FLT1: variants seen among roughly 807,000 people sequenced by gnomAD.
FLT1 encodes vascular endothelial growth factor receptor 1.
Under a neutral mutation model 156.3 loss-of-function variants are expected in FLT1, and 49 were observed. The ratio of observed to expected loss-of-function variants is 0.31; its 90% CI spans 0.25 to 0.40. FLT1 has a LOEUF of 0.40. Among genes scored for constraint, FLT1 ranks in the 10% least tolerant of loss-of-function variants. The pLI is 1.00. For missense variants in FLT1, 1,322 were observed against 1,637.2 expected (o/e 0.81, Z 3.32); for synonymous variants, 594 against 583.8 (o/e 1.02, Z -0.25).
chr13:28,315,166 TG>T (rs1277611887), intron 25 of FLT1, among the ~76,000 whole-genome samples: 3 of 152,218 alleles, frequency 2.0e-5, no homozygotes, highest in Non-Finnish European at 4.4e-5. Context: ...TTTATAGGAC[TG>T]TTATGAGCAT....
rs541534265 is a variant in FLT1 at position 28,307,181 on chromosome 13, C to T, written c.3721-409G>A. 1.4e-3 allele frequency among the ~76,000 whole-genome samples: 216 copies of T among 152,260 alleles called. 1 individual carries two copies. The highest frequency in any genetic ancestry group is 2.3e-3 in the Non-Finnish European group (154 of 68,020). ...AAATTCTAAGAAATCGTAAAGACAT[C>T]ATTCGATTTTTTTTCTTGAACTCAA... On this transcript the variant is annotated intron_variant, in intron 28 of 29. Coordinates refer to ENST00000282397, the MANE Select transcript of FLT1 (RefSeq NM_002019.4).
rs768063529 is a variant in FLT1, at chr13:28,386,844, T to G, written c.1970-1813A>C. The G allele has an allele frequency of 1.2e-5, 13 of 1,050,624 alleles. No homozygotes were observed. In the Middle Eastern group the frequency reaches 1.7e-3, roughly 141 times the overall value. 65.1% of individuals were successfully genotyped at this position (1,050,624 alleles called of 1,614,324 possible). ...CAAGCCAATTTTGAAATATCTCATTTAAAACTCAGACCCAATTCACTGAGT... is the reference window on the plus strand; with the variant it reads ...CAAGCCAATTTTGAAATATCTCATTGAAAACTCAGACCCAATTCACTGAGT... On this transcript the variant is annotated intron_variant, in intron 13 of 29. Coordinates refer to ENST00000282397, the MANE Select transcript of FLT1 (RefSeq NM_002019.4).
intron 15 of FLT1, among the ~76,000 whole-genome samples, chr13:28,347,480 C>T (rs904015492): frequency 6.6e-6 from 1 of 152,098 alleles, no homozygotes; most frequent in South Asian, 2.1e-4. Context: ...GAGATCGCAC[C>T]ACTGCACTCC....
In FLT1 at chr13:28,439,724, C is replaced by G. The variant is rs765783979; in HGVS notation, c.389-1379G>C. 1.3e-5 allele frequency among the ~76,000 whole-genome samples: 2 copies of G among 152,152 alleles called. No individual in the cohort carries two copies. Among genetic ancestry groups the G allele is most frequent in the African/African-American group, 2.4e-5 (1 of 41,422 alleles). ...CACTATGTGCAGATGGAGGCAGAGACAGGTGTGATGCAGCGGCAAGCCAAA... is the reference window on the plus strand; with the variant it reads ...CACTATGTGCAGATGGAGGCAGAGAGAGGTGTGATGCAGCGGCAAGCCAAA... On this transcript the variant is annotated intron_variant, in intron 3 of 29. Coordinates refer to ENST00000282397, the MANE Select transcript of FLT1 (RefSeq NM_002019.4). The surrounding 1 kb of genome is among the most constrained non-coding windows in gnomAD (Gnocchi z 4.1).
rs1870582345 is a variant in FLT1 at position 28,303,151 on chromosome 13, G to A, written c.*16C>T. 1 of 1,604,792 alleles carries A rather than the reference G, an allele frequency of 6.2e-7. No individual in the cohort carries two copies. Among genetic ancestry groups the A allele is most frequent in the African/African-American group, 1.3e-5 (1 of 74,992 alleles). ...AATACACATGTGCTTCTAGAAATAA[G>A]GCTTCGTGTCAAACTCTAGATGGGT... is the stretch of plus-strand genomic sequence containing the variant. On this transcript the variant is annotated 3_prime_UTR_variant, in exon 30 of 30. Transcript: ENST00000282397.
intron 18 of FLT1, among the ~76,000 whole-genome samples, chr13:28,331,513 C>T (rs551169124): frequency 1.3e-5 from 2 of 152,340 alleles, no homozygotes; most frequent in East Asian, 3.9e-4. Flanking sequence ...TTACTGCAAC[C>T]TCCAACTCCT....
chr13:28,484,357 T>C (rs1881026313), intron 1 of FLT1, among the ~76,000 whole-genome samples: 2 of 152,188 alleles, frequency 1.3e-5, no homozygotes, highest in Admixed American at 1.3e-4. Flanking sequence ...CTGCCTGATA[T>C]GAGCTTTTCT....
chr13:28,377,942 T>C (rs6491277), intron 14 of FLT1, among the ~76,000 whole-genome samples: 11,261 of 152,238 alleles, frequency 0.074, 445 homozygotes, highest in South Asian at 0.13. Context: ...TTTACCTTTA[T>C]ACATGGCATG....
Position 28,302,097 on chromosome 13 carries a change from CT to C in FLT1, c.*1069del. On this transcript the variant is annotated 3_prime_UTR_variant, in exon 30 of 30. Transcript: ENST00000282397. ...GGGGTTTTCCCTTGACCTTATTGAC[CT>C]TTTTCCTCCATCAGCCCTCGTTTTG... The C allele has an allele frequency of 4.3e-6, 1 of 232,958 alleles. No individual in the cohort carries two copies. Among genetic ancestry groups the C allele is most frequent in the Non-Finnish European group, 8.5e-6 (1 of 118,004 alleles). The allele number at this position is 232,958 out of a possible 1,614,324, so 14.4% of individuals were successfully genotyped here. A position where few individuals can be genotyped will look rare whatever the true frequency, so the allele number is the denominator to read the frequency against.
chr13:28,330,973 C>T (rs1037045440), intron 18 of FLT1, among the ~76,000 whole-genome samples: 4 of 152,172 alleles, frequency 2.6e-5, no homozygotes, highest in Admixed American at 1.3e-4. Flanking sequence ...GGATTACAGG[C>T]GTGAGCCACC....
At chr13:28,440,914 C>A (rs1878300445) in intron 3 of FLT1, among the ~76,000 whole-genome samples, 2 of 152,076 alleles carry the variant, frequency 1.3e-5, no homozygotes, top group African/African-American at 4.8e-5. Flanking sequence ...ATGAGTGGGA[C>A]AGGAGAGTGC....
chr13:28,364,000 T>C (rs984073799), intron 14 of FLT1, among the ~76,000 whole-genome samples: 5 of 152,172 alleles, frequency 3.3e-5, no homozygotes, highest in Admixed American at 1.3e-4. Flanking sequence ...CTAGGTGAAA[T>C]ATTTTTATTG....
chr13:28,311,281 T>C (rs771185739), intron 27 of FLT1, among the ~76,000 whole-genome samples: 1 of 152,222 alleles, frequency 6.6e-6, no homozygotes, highest in Non-Finnish European at 1.5e-5. Flanking sequence ...CCAAAATGTA[T>C]ACTAAAGTAT....
intron 15 of FLT1, among the ~76,000 whole-genome samples, chr13:28,355,635 A>G (rs1164099649): frequency 3.3e-5 from 5 of 152,164 alleles, no homozygotes; most frequent in African/African-American, 2.4e-5. Context: ...ATTTGGCTGG[A>G]ATAGGGAATG....
intron 15 of FLT1, among the ~76,000 whole-genome samples, chr13:28,350,448 A>G (rs1427636321): frequency 6.6e-6 from 1 of 152,038 alleles, no homozygotes; most frequent in Non-Finnish European, 1.5e-5. Flanking sequence ...AGGGGTGTGT[A>G]TCTTGCCTGA....
intron 15 of FLT1, among the ~76,000 whole-genome samples, chr13:28,352,488 T>C (rs1872761530): frequency 6.6e-6 from 1 of 152,196 alleles, no homozygotes; most frequent in African/African-American, 2.4e-5. Context: ...TTAAGATGAA[T>C]ATCTTTTGAG....
At chr13:28,445,265 C>A (rs1222494168) in intron 3 of FLT1, among the ~76,000 whole-genome samples, 1 of 152,002 alleles carries the variant, frequency 6.6e-6, no homozygotes. Flanking sequence ...TTATCTGAGG[C>A]AAGGGTTCAA....
At chr13:28,468,456 T>TTA (rs1445283409) in intron 1 of FLT1, among the ~76,000 whole-genome samples, 1 of 152,210 alleles carries the variant, frequency 6.6e-6, no homozygotes, top group African/African-American at 2.4e-5. Flanking sequence ...CAGATCTCAG[T>TTA]TATCTTATCT....
At chr13:28,424,045 G>C (rs34902333) in intron 10 of FLT1, among the ~76,000 whole-genome samples, 18,942 of 151,840 alleles carry the variant, frequency 0.12, 1,591 homozygotes, top group South Asian at 0.35. Flanking sequence ...CCACCTCCCA[G>C]GTTCAAGCAA....
Sources: allele counts gnomAD v4.1 joint callset (sites outside exome capture counted in the v4.1 genomes callset), GRCh38; gene constraint gnomAD v4.1.1; non-coding constraint Gnocchi (gnomAD v3.1); transcripts MANE v1.5; gene names NCBI Gene and HGNC (gene_info 2026-07-23, HGNC 2026-07-21).